The following PTPRK variants were observed in gnomAD, a reference collection of about 807,000 sequenced individuals.
The protein encoded by PTPRK is receptor-type tyrosine-protein phosphatase kappa.
A neutral mutation model predicts 178.0 loss-of-function variants in PTPRK; 75 were observed. The ratio of observed to expected loss-of-function variants is 0.42; its 90% CI spans 0.35 to 0.51. PTPRK has a LOEUF of 0.51. PTPRK is among the 20% of genes least tolerant of loss of function. The pLI is 0.02. For missense variants in PTPRK, 1,441 were observed against 1,797.8 expected (o/e 0.80, Z 3.59); for synonymous variants, 637 against 620.6 (o/e 1.03, Z -0.39).
At chr6:128,510,583 T>C (rs1249800666) in intron 1 of PTPRK, among the ~76,000 whole-genome samples, 2 of 152,202 alleles carry the variant, frequency 1.3e-5, no homozygotes, top group Non-Finnish European at 2.9e-5. Flanking sequence ...ACTTTACCCT[T>C]TGCTTTCTAT....
intron 7 of PTPRK, among the ~76,000 whole-genome samples, chr6:128,163,302 T>C (rs370082154): frequency 1.3e-4 from 20 of 151,086 alleles, no homozygotes; most frequent in South Asian, 6.2e-4. Context: ...TAATAAATAA[T>C]ATGTTAGAAA....
intron 29 of PTPRK, among the ~76,000 whole-genome samples, chr6:127,970,708 G>A (rs919328201): frequency 6.6e-6 from 1 of 151,872 alleles, no homozygotes; most frequent in East Asian, 1.9e-4. Context: ...TTCTTTTTGT[G>A]CATGGTTGAA....
chr6:128,208,509 T>G (rs1237482001), intron 6 of PTPRK, among the ~76,000 whole-genome samples: 1 of 152,116 alleles, frequency 6.6e-6, no homozygotes, highest in East Asian at 1.9e-4. Flanking sequence ...CAGTCAGGAA[T>G]CTACATGAAG....
intron 7 of PTPRK, among the ~76,000 whole-genome samples, chr6:128,176,999 A>G (rs1801171346): frequency 6.6e-6 from 1 of 151,760 alleles, no homozygotes; most frequent in South Asian, 2.1e-4. Context: ...GGAAATCACA[A>G]TTCAACAAAA....
intron 1 of PTPRK, among the ~76,000 whole-genome samples, chr6:128,479,944 A>G (rs963755955): frequency 8.5e-5 from 13 of 152,256 alleles, no homozygotes; most frequent in South Asian, 8.3e-4. Context: ...TCCACTTACT[A>G]TATCTCATAA....
At position 127,973,715 on chromosome 6, in the gene PTPRK, T is replaced by C; in HGVS notation, c.4082A>G (p.Lys1361Arg). Residue 1361 changes from lysine to arginine, a missense_variant, in exon 28 of 30, where the codon AAG (lysine) becomes AGG (arginine). Physicochemically the swap from Lys to Arg is conservative, Grantham distance 26. Around this residue, in one of 4 missense-constraint regions of PTPRK, gnomAD observed 335 missense variants for 512.4 expected, o/e 0.65. Coordinates refer to ENST00000368226, the MANE Select transcript of PTPRK (RefSeq NM_002844.4). ...CCCTTCCTCGCATTCCTCCTGCCAC[T>C]TTTCCACCTGAAGTATCAGTTTCAA... is the stretch of plus-strand genomic sequence containing the variant. The part of the protein sequence containing the change: ...SFLKLILQVE[K>R]WQEECEEGEG... The C allele has an allele frequency of 6.2e-7, 1 of 1,613,948 alleles. No individual in the cohort carries two copies. The highest frequency in any genetic ancestry group is 1.1e-5 in the South Asian group (1 of 91,066).
At chr6:128,072,005 C>T (rs1782913599) in intron 11 of PTPRK, among the ~76,000 whole-genome samples, 1 of 151,986 alleles carries the variant, frequency 6.6e-6, no homozygotes, top group Non-Finnish European at 1.5e-5. Flanking sequence ...CTTCTTCATT[C>T]TTCTGGTTGT....
At chr6:127,988,142 T>G (rs1449810703) in intron 21 of PTPRK, among the ~76,000 whole-genome samples, 2 of 148,808 alleles carry the variant, frequency 1.3e-5, no homozygotes, top group African/African-American at 4.9e-5. Context: ...AATTTTTTCA[T>G]GTTCTTGAAT....
At chr6:128,463,778 T>G in intron 1 of PTPRK, among the ~76,000 whole-genome samples, 1 of 130,042 alleles carries the variant, frequency 7.7e-6, no homozygotes, top group African/African-American at 3.1e-5. Flanking sequence ...TGAGACAGAG[T>G]TTCACTCTTG....
intron 7 of PTPRK, among the ~76,000 whole-genome samples, chr6:128,110,083 G>T (rs1049200934): frequency 6.6e-6 from 1 of 151,838 alleles, no homozygotes; most frequent in Non-Finnish European, 1.5e-5. Context: ...TTTATTTTTT[G>T]GGGCTACTTA....
At chr6:128,460,226 G>A (rs542886794) in intron 1 of PTPRK, among the ~76,000 whole-genome samples, 36 of 152,232 alleles carry the variant, frequency 2.4e-4, no homozygotes, top group Admixed American at 6.5e-4. Flanking sequence ...GTATGTCCCA[G>A]CTGTGGTTTG....
intron 7 of PTPRK, among the ~76,000 whole-genome samples, chr6:128,156,581 AC>A (rs1239746553): frequency 6.6e-6 from 1 of 151,760 alleles, no homozygotes; most frequent in African/African-American, 2.4e-5. Context: ...GGGGAAGTCC[AC>A]CCCCATGATT....
intron 14 of PTPRK, chr6:128,005,933 TCA>T: frequency 1.0e-6 from 1 of 996,274 alleles, no homozygotes; most frequent in South Asian, 2.3e-5. Flanking sequence ...TTTTGAAATG[TCA>T]CCAAAATTGC....
At chr6:128,472,594 C>A (rs1411792730) in intron 1 of PTPRK, 2 of 192,700 alleles carry the variant, frequency 1.0e-5, no homozygotes, top group Admixed American at 1.2e-4. Flanking sequence ...ATCTTTACAT[C>A]TATTTACCAT....
chr6:128,417,386 G>A (rs1842965763), intron 1 of PTPRK, among the ~76,000 whole-genome samples: 1 of 152,084 alleles, frequency 6.6e-6, no homozygotes, highest in Non-Finnish European at 1.5e-5. Context: ...CCTTTCCCAA[G>A]AATAGGCCAT....
In PTPRK at chr6:127,973,701, A is replaced by C; in HGVS notation, c.4096T>G (p.Cys1366Gly). 1 of 1,613,878 alleles carries C rather than the reference A, an allele frequency of 6.2e-7. No individual in the cohort carries two copies. The change falls in exon 28 of 30, where the codon TGC becomes GGC. Residue 1366 changes from cysteine to glycine, a missense_variant. By Grantham distance (159) the Cys-to-Gly change is radical. Around this residue, in one of 4 missense-constraint regions of PTPRK, gnomAD observed 335 missense variants for 512.4 expected, o/e 0.65. Coordinates refer to ENST00000368226, the MANE Select transcript of PTPRK (RefSeq NM_002844.4). The stretch of plus-strand genomic sequence containing the variant: ...ATCGTCCGGCCTTCCCCTTCCTCGC[A>C]TTCCTCCTGCCACTTTTCCACCTGA... Reference protein sequence around the residue: ...ILQVEKWQEECEEGEGRTIIH... With the variant: ...ILQVEKWQEEGEEGEGRTIIH...
At chr6:128,362,659 T>C (rs533960083) in intron 2 of PTPRK, among the ~76,000 whole-genome samples, 1 of 152,288 alleles carries the variant, frequency 6.6e-6, no homozygotes, top group African/African-American at 2.4e-5. Context: ...GTTTTCACCT[T>C]TAAAAAGACA....
At chr6:128,207,806 C>A (rs116707185) in intron 6 of PTPRK, among the ~76,000 whole-genome samples, 4 of 152,016 alleles carry the variant, frequency 2.6e-5, no homozygotes, top group African/African-American at 9.7e-5. Context: ...GTATCTTACC[C>A]ACCCATTTTT....
chr6:128,033,993 T>C (rs917033371), intron 13 of PTPRK, among the ~76,000 whole-genome samples: 2 of 152,338 alleles, frequency 1.3e-5, no homozygotes, highest in South Asian at 2.1e-4. Context: ...ATACCACTCA[T>C]ATTTCTATTC....
Sources: allele counts gnomAD v4.1 joint callset (sites outside exome capture counted in the v4.1 genomes callset), GRCh38; gene constraint gnomAD v4.1.1; regional missense constraint gnomAD v4.1.1; transcripts MANE v1.5; gene names NCBI Gene and HGNC (gene_info 2026-07-23, HGNC 2026-07-21).